Variants in GPHN observed in about 807,000 individuals in gnomAD.
GPHN encodes gephyrin.
In GPHN, 17 loss-of-function variants were observed where a neutral mutation model predicts 95.5. The observed-to-expected ratio is 0.18, with a 90% CI of 0.12 to 0.27. GPHN has a LOEUF of 0.27. Among genes scored for constraint, GPHN ranks in the 10% least tolerant of loss-of-function variants. The probability of loss-of-function intolerance (pLI) is 1.00; values close to 1 mark genes in which losing one functional copy is unlikely to be tolerated. For synonymous variants in GPHN, 320 were observed against 322.5 expected (o/e 0.99, Z 0.08); for missense variants, 660 against 978.1 (o/e 0.67, Z 4.34).
chr14:67,526,557 C>T, the GPHN span, among the ~76,000 whole-genome samples: 3 of 152,172 alleles, frequency 2.0e-5, no homozygotes, highest in East Asian at 1.9e-4. Flanking sequence ...TTCCCTGAAA[C>T]GACGCAAAAT....
chr14:66,806,724 A>G (rs564387847), intron 3 of GPHN, among the ~76,000 whole-genome samples: 5 of 152,314 alleles, frequency 3.3e-5, no homozygotes, highest in Admixed American at 2.0e-4. Flanking sequence ...CCAGTTCCCA[A>G]GAAGTTCCTC....
chr14:67,590,365 G>C, the GPHN span, among the ~76,000 whole-genome samples: 5 of 150,416 alleles, frequency 3.3e-5, no homozygotes, highest in East Asian at 9.8e-4. Context: ...TGATTCTCCT[G>C]CTTCAGCCTC....
chr14:67,265,248 G>T, the GPHN span, among the ~76,000 whole-genome samples: 1 of 152,140 alleles, frequency 6.6e-6, no homozygotes, highest in African/African-American at 2.4e-5. Context: ...GGACTTGTTA[G>T]GGTGTTCTAC....
intron 1 of GPHN, among the ~76,000 whole-genome samples, chr14:66,677,451 G>A (rs183581748): frequency 1.3e-4 from 19 of 151,996 alleles, no homozygotes; most frequent in Non-Finnish European, 1.9e-4. Flanking sequence ...TTGGTATGCT[G>A]TTTCTATATT....
chr14:66,829,399 T>A (rs1209513847), intron 4 of GPHN, among the ~76,000 whole-genome samples: 1 of 152,094 alleles, frequency 6.6e-6, no homozygotes, highest in Non-Finnish European at 1.5e-5. Flanking sequence ...GATTTCATTT[T>A]TTTCTGGTCC....
chr14:66,803,187 C>T (rs1000597583), intron 3 of GPHN, among the ~76,000 whole-genome samples: 2 of 152,144 alleles, frequency 1.3e-5, no homozygotes, highest in Admixed American at 6.5e-5. Context: ...TATCCAGTTT[C>T]GCTTTCTGCT....
intron 10 of GPHN, among the ~76,000 whole-genome samples, chr14:67,034,997 G>A (rs2074352618): frequency 6.6e-6 from 1 of 151,992 alleles, no homozygotes; most frequent in Admixed American, 6.6e-5. Context: ...ATATTCTGTA[G>A]GATAGACCAC....
At chr14:66,947,837 C>T (rs1237016817) in intron 8 of GPHN, among the ~76,000 whole-genome samples, 1 of 152,062 alleles carries the variant, frequency 6.6e-6, no homozygotes, top group Non-Finnish European at 1.5e-5. Context: ...CACCTGTTGT[C>T]CTAGCTATTT....
intron 1 of GPHN, among the ~76,000 whole-genome samples, chr14:66,603,529 A>G (rs1280496614): frequency 2.0e-5 from 3 of 151,974 alleles, no homozygotes; most frequent in Admixed American, 6.6e-5. Context: ...CATTAGATAT[A>G]TAGATATATC....
intron 8 of GPHN, among the ~76,000 whole-genome samples, chr14:66,961,172 C>T (rs72730426): frequency 0.024 from 3,680 of 152,120 alleles, 67 homozygotes; most frequent in Non-Finnish European, 0.036. Flanking sequence ...GGACTGTTGT[C>T]TTCAAGGCCA....
intron 2 of GPHN, among the ~76,000 whole-genome samples, chr14:66,769,383 C>T (rs1489823421): frequency 6.6e-6 from 1 of 151,852 alleles, no homozygotes; most frequent in Non-Finnish European, 1.5e-5. Flanking sequence ...CAGGTAAACT[C>T]ATGTCATAGG....
chr14:67,053,783 C>A (rs2075422294), intron 10 of GPHN, among the ~76,000 whole-genome samples: 1 of 152,180 alleles, frequency 6.6e-6, no homozygotes, highest in African/African-American at 2.4e-5. Context: ...ACAGCTTCAT[C>A]CCCAAGATAC....
At chr14:67,129,829 AGAGG>A (rs1200708995) in intron 17 of GPHN, among the ~76,000 whole-genome samples, 1,782 of 144,028 alleles carry the variant, frequency 0.012, 18 homozygotes, top group Non-Finnish European at 0.018. Flanking sequence ...GAAGGAAGGG[AGAGG>A]GAGGGAGGAA....
chr14:66,946,985 G>A (rs751976390), intron 8 of GPHN, among the ~76,000 whole-genome samples: 9 of 151,982 alleles, frequency 5.9e-5, no homozygotes, highest in Admixed American at 2.6e-4. Flanking sequence ...AGCCAGAGTC[G>A]ACTTTTTAAA....
chr14:67,605,534 T>C, the GPHN span, among the ~76,000 whole-genome samples: 241 of 152,144 alleles, frequency 1.6e-3, no homozygotes, highest in African/African-American at 5.6e-3. Context: ...GCCACTCTCT[T>C]TTTAGTAAGA....
At chr14:66,889,397 G>A (rs1438957702) in intron 5 of GPHN, among the ~76,000 whole-genome samples, 1 of 152,068 alleles carries the variant, frequency 6.6e-6, no homozygotes, top group Non-Finnish European at 1.5e-5. Context: ...AAAGTATATT[G>A]CAAAATAGTA....
the GPHN span, among the ~76,000 whole-genome samples, chr14:67,707,172 G>C: frequency 1.3e-5 from 2 of 152,030 alleles, no homozygotes; most frequent in Non-Finnish European, 2.9e-5. Context: ...AGGAAAAATG[G>C]GGAAAAAAGA....
chr14:66,794,476 C>T (rs1057362728), intron 3 of GPHN, among the ~76,000 whole-genome samples: 1 of 152,246 alleles, frequency 6.6e-6, no homozygotes, highest in Non-Finnish European at 1.5e-5. Context: ...TCAGGTATTT[C>T]TTTATAGCAA....
chr14:66,565,979 TTGC>T (rs1017337163), intron 1 of GPHN, among the ~76,000 whole-genome samples: 1 of 151,792 alleles, frequency 6.6e-6, no homozygotes, highest in East Asian at 1.9e-4. Context: ...TTTTTTTTTT[TTGC>T]TTTCTATCTA....
Sources: gnomAD v4.1 joint callset for allele counts (sites outside exome capture counted in the v4.1 genomes callset) on GRCh38, gnomAD v4.1.1 for gene constraint, MANE v1.5 for transcripts, NCBI Gene and HGNC (gene_info 2026-07-23, HGNC 2026-07-21) for gene names.